MATN2: variants seen among roughly 807,000 people sequenced by gnomAD.
MATN2 encodes matrilin 2.
In MATN2, 69 loss-of-function variants were observed where a neutral mutation model predicts 103.2. The ratio of observed to expected loss-of-function variants is 0.67; its 90% confidence interval spans 0.55 to 0.82. The LOEUF is 0.82. Among genes scored for constraint, MATN2 ranks in the 40% least tolerant of loss-of-function variants. The pLI is 0.00. For missense variants in MATN2, 1,023 were observed against 1,211.5 expected (o/e 0.84, Z 2.31); for synonymous variants, 429 against 450.2 (o/e 0.95, Z 0.60).
At chr8:97,917,123 A>C (rs1809657492) in intron 2 of MATN2, among the ~76,000 whole-genome samples, 1 of 152,138 alleles carries the variant, frequency 6.6e-6, no homozygotes, top group African/African-American at 2.4e-5. Flanking sequence ...CTTGCTACCC[A>C]AAGATGCACA....
At chr8:97,948,100 A>G (rs762371328) in intron 4 of MATN2, among the ~76,000 whole-genome samples, 1 of 152,252 alleles carries the variant, frequency 6.6e-6, no homozygotes, top group Non-Finnish European at 1.5e-5. Flanking sequence ...CATTTTCAAC[A>G]GCAAAATCTC....
At chr8:98,023,968 G>A (rs1025336005) in intron 13 of MATN2, among the ~76,000 whole-genome samples, 3 of 152,142 alleles carry the variant, frequency 2.0e-5, no homozygotes, top group Admixed American at 6.5e-5. Flanking sequence ...CATGTTCTCA[G>A]TTATAAGTGG....
At chr8:97,939,949 A>G (rs982680838) in intron 3 of MATN2, among the ~76,000 whole-genome samples, 2 of 152,186 alleles carry the variant, frequency 1.3e-5, no homozygotes, top group South Asian at 2.1e-4. Context: ...GTCAATGTAT[A>G]TAGGATGAAC....
intron 4 of MATN2, among the ~76,000 whole-genome samples, chr8:97,960,897 C>T (rs1461425061): frequency 1.3e-5 from 2 of 152,316 alleles, no homozygotes; most frequent in African/African-American, 4.8e-5. Flanking sequence ...TCACTGCAAC[C>T]TCCGCCTCCT....
intron 12 of MATN2, among the ~76,000 whole-genome samples, 193 bp downstream of exon 12, chr8:98,018,309 G>A (rs980996414): frequency 2.6e-5 from 4 of 152,098 alleles, no homozygotes; most frequent in African/African-American, 9.7e-5. Flanking sequence ...CTCAGTCAAG[G>A]CCTGAGTTTT....
At chr8:97,910,364 G>T (rs554630658) in intron 2 of MATN2, among the ~76,000 whole-genome samples, 33 of 152,232 alleles carry the variant, frequency 2.2e-4, no homozygotes, top group African/African-American at 7.5e-4. Context: ...GGCCGATTTG[G>T]TTTTTAAAGA....
At chr8:97,870,969 G>A (rs1456916397) in intron 1 of MATN2, among the ~76,000 whole-genome samples, 3 of 152,088 alleles carry the variant, frequency 2.0e-5, no homozygotes, top group Non-Finnish European at 4.4e-5. Flanking sequence ...TCAGGCCCCC[G>A]AGTTACCAGG....
At chr8:97,988,494 C>T (rs1812280513) in intron 6 of MATN2, among the ~76,000 whole-genome samples, 1 of 151,732 alleles carries the variant, frequency 6.6e-6, no homozygotes, top group African/African-American at 2.4e-5. Context: ...GGCATGGTGG[C>T]AAGTGCCTGT....
At chr8:98,006,757 G>A (rs1289795907) in intron 8 of MATN2, among the ~76,000 whole-genome samples, 1 of 152,212 alleles carries the variant, frequency 6.6e-6, no homozygotes, top group Admixed American at 6.5e-5. Flanking sequence ...CCAGCCATTG[G>A]AGTTGTATGC....
rs541818625 is a variant in MATN2 at position 97,974,688 on chromosome 8, A to G, written c.959-4198A>G. On this transcript the variant is annotated intron_variant, in intron 5 of 18. Transcript: ENST00000254898. Reference sequence around the variant, plus strand: ...TCTTGAACTCCTGACCTTGTGATCCACCTGCCTTGGCCTCCCAAAGTGCTG... The same window carrying G: ...TCTTGAACTCCTGACCTTGTGATCCGCCTGCCTTGGCCTCCCAAAGTGCTG... Among the ~76,000 whole-genome samples the G allele has an allele frequency of 9.9e-4, 151 of 152,198 alleles. 1 individual carries two copies. Among genetic ancestry groups the G allele is most frequent in the African/African-American group, 3.5e-3 (146 of 41,536 alleles).
In MATN2 at chr8:97,872,707, C is replaced by T. The variant is rs576324516; in HGVS notation, c.-27+3420C>T. Among the ~76,000 whole-genome samples, 4 of 152,254 alleles carry T rather than the reference C, an allele frequency of 2.6e-5. No homozygotes were observed. The South Asian group carries it at 6.2e-4, about 24-fold the overall frequency. ...CAACCCTTCTCCCCATCCTGACTCT[C>T]GTGTCTCCCTCTTACAAAACCATAC... is the stretch of plus-strand genomic sequence containing the variant. On this transcript the variant is annotated intron_variant, in intron 1 of 18. Transcript: ENST00000254898.
intron 2 of MATN2, among the ~76,000 whole-genome samples, chr8:97,900,261 A>G (rs567499917): frequency 6.6e-5 from 10 of 152,104 alleles, no homozygotes; most frequent in Admixed American, 3.9e-4. Flanking sequence ...CAGCCAGCCA[A>G]TGAGTAAGAA....
At chr8:98,012,303 C>T (rs10088117) in intron 10 of MATN2, among the ~76,000 whole-genome samples, 3,795 of 152,272 alleles carry the variant, frequency 0.025, 155 homozygotes, top group African/African-American at 0.086. Context: ...ATAGCAGAGA[C>T]AGCGTCCATT....
intron 4 of MATN2, among the ~76,000 whole-genome samples, chr8:97,948,389 G>C (rs1456711776): frequency 6.6e-6 from 1 of 152,102 alleles, no homozygotes; most frequent in Non-Finnish European, 1.5e-5. Flanking sequence ...ATTAAACAAA[G>C]CTTTGAAAAA....
chr8:97,937,583 CTTTTT>C (rs376203275), intron 3 of MATN2, among the ~76,000 whole-genome samples: 4 of 89,814 alleles, frequency 4.5e-5, no homozygotes, highest in African/African-American at 4.6e-5. Context: ...TCCCCACTAA[CTTTTT>C]TTTTTTTTTT....
At chr8:97,885,097 C>G (rs1050379286) in intron 1 of MATN2, among the ~76,000 whole-genome samples, 1 of 152,062 alleles carries the variant, frequency 6.6e-6, no homozygotes, top group Non-Finnish European at 1.5e-5. Flanking sequence ...CACAGTAAAC[C>G]CAAACCACAT....
intron 1 of MATN2, among the ~76,000 whole-genome samples, chr8:97,875,663 C>T (rs374984459): frequency 4.1e-5 from 6 of 145,754 alleles, no homozygotes; most frequent in South Asian, 4.5e-4. Context: ...TTATTTTGCT[C>T]TCTGGATCTG....
Position 98,005,157 on chromosome 8 carries a change from C to T in MATN2, c.1327+1374C>T, listed in dbSNP as rs777942280. On this transcript the variant is annotated intron_variant, in intron 8 of 18. Transcript: ENST00000254898. The surrounding 1 kb of genome is among the most constrained non-coding windows in gnomAD (Gnocchi z 4.6). ...AGGTCCAGGGCAGTCCTCAGGAAAG[C>T]GTGGCTCCTCCAGTGTCCAGAGAGA... Among the ~76,000 whole-genome samples the T allele has an allele frequency of 2.0e-5, 3 of 152,216 alleles. No homozygotes were observed. Among genetic ancestry groups the T allele is most frequent in the Non-Finnish European group, 2.9e-5 (2 of 68,040 alleles).
intron 4 of MATN2, among the ~76,000 whole-genome samples, chr8:97,957,483 G>A (rs748981775): frequency 3.3e-5 from 5 of 152,168 alleles, no homozygotes; most frequent in Non-Finnish European, 7.3e-5. Flanking sequence ...GGTACAAATC[G>A]CTCGTGGCCA....
Sources: gnomAD v4.1 joint callset for allele counts (sites outside exome capture counted in the v4.1 genomes callset) on GRCh38, gnomAD v4.1.1 for gene constraint, Gnocchi (gnomAD v3.1) non-coding constraint, MANE v1.5 for transcripts, NCBI Gene and HGNC (gene_info 2026-07-23, HGNC 2026-07-21) for gene names.